Variants in AGPAT3 observed in about 807,000 individuals in gnomAD.
AGPAT3 encodes the protein 1-acyl-sn-glycerol-3-phosphate acyltransferase gamma.
Under a neutral mutation model 47.3 loss-of-function variants are expected in AGPAT3, and 5 were observed. The observed-to-expected ratio is 0.11, with a 90% CI of 0.06 to 0.22. The LOEUF (loss-of-function observed/expected upper bound fraction) is 0.22. Ranked by LOEUF, AGPAT3 falls within the 10% of genes least tolerant of loss-of-function variation. AGPAT3 has a pLI of 1.00. For synonymous variants in AGPAT3, 212 were observed against 208.3 expected (o/e 1.02, Z -0.15); for missense variants, 315 against 493.0 (o/e 0.64, Z 3.42).
intron 7 of AGPAT3, among the ~76,000 whole-genome samples, chr21:43,974,560 G>A (rs570851088): frequency 4.6e-5 from 7 of 151,722 alleles, no homozygotes; most frequent in South Asian, 4.2e-4. Context: ...TGTGTGGTGT[G>A]TGTGTAGTGT....
At chr21:43,926,325 C>T (rs1332889573) in intron 2 of AGPAT3, among the ~76,000 whole-genome samples, 4 of 152,198 alleles carry the variant, frequency 2.6e-5, no homozygotes, top group African/African-American at 7.2e-5. Context: ...TTCGCTCTGC[C>T]GTCCTTGGCT....
chr21:43,973,512 C>T (rs988970489), intron 7 of AGPAT3, among the ~76,000 whole-genome samples: 3 of 152,350 alleles, frequency 2.0e-5, no homozygotes, highest in East Asian at 1.9e-4. Context: ...TGGAGGAGCC[C>T]GGCCACCCGC....
rs1024002879 is a variant in AGPAT3 at position 43,934,439 on chromosome 21, G to T, written c.-48-25195G>T. Among the ~76,000 whole-genome samples, 45 of 152,376 alleles carry T rather than the reference G, an allele frequency of 3.0e-4. No homozygotes were observed. The highest frequency in any genetic ancestry group is 9.6e-4 in the African/African-American group (40 of 41,590). ...GCCTGGCCCTGGCCTGCGTGGCAGC[G>T]CAACCTCGTTGGTAGAGTCAGGAGG... On this transcript the variant is annotated intron_variant, in intron 2 of 9. Transcript: ENST00000291572. This position sits in a 1 kb window ranked among gnomAD's most constrained non-coding sequence, Gnocchi z 4.7.
chr21:43,962,335 C>CT (rs200235343), intron 3 of AGPAT3, among the ~76,000 whole-genome samples: 2,862 of 152,088 alleles, frequency 0.019, 39 homozygotes, highest in Middle Eastern at 0.031. Flanking sequence ...AAGGCTGCTG[C>CT]TTTTTTCTGT....
Position 43,985,194 on chromosome 21 carries a change from C to T in AGPAT3, c.*2802C>T. ...TCATGGGGTCTCCTGCCCATCTTCC[C>T]AAGGATGCCATTGCTGTCTTCATCG... On this transcript the variant is annotated 3_prime_UTR_variant, in exon 10 of 10. Coordinates refer to ENST00000291572, the MANE Select transcript of AGPAT3 (RefSeq NM_020132.5). 1 of 456,298 alleles carries T rather than the reference C, an allele frequency of 2.2e-6. No homozygotes were observed. The highest frequency in any genetic ancestry group is 1.5e-5 in the South Asian group (1 of 64,570). The allele number at this position is 456,298 out of a possible 1,614,324, so 28.3% of individuals were successfully genotyped here. A position where few individuals can be genotyped will look rare whatever the true frequency, so the allele number is the denominator to read the frequency against.
intron 1 of AGPAT3, among the ~76,000 whole-genome samples, chr21:43,883,625 G>A (rs1360051035): frequency 2.0e-5 from 3 of 152,090 alleles, no homozygotes; most frequent in Non-Finnish European, 4.4e-5. Flanking sequence ...ATGGAGTTTC[G>A]CTCTGTTGCC....
intron 2 of AGPAT3, 99 bp from the exon 3 acceptor site, chr21:43,959,535 G>T: frequency 2.8e-6 from 3 of 1,076,916 alleles, no homozygotes; most frequent in Non-Finnish European, 4.1e-6. Flanking sequence ...GTGTATAAGC[G>T]TGAGGCATGT....
At chr21:43,953,290 T>C (rs1000665354) in intron 2 of AGPAT3, among the ~76,000 whole-genome samples, 7 of 152,064 alleles carry the variant, frequency 4.6e-5, no homozygotes, top group African/African-American at 1.7e-4. Flanking sequence ...CTGGGGACAG[T>C]TGGTGAAATG....
At chr21:43,948,665 C>T (rs2088029061) in intron 2 of AGPAT3, among the ~76,000 whole-genome samples, 1 of 152,174 alleles carries the variant, frequency 6.6e-6, no homozygotes, top group East Asian at 1.9e-4. Context: ...TATAATTATG[C>T]CTTTAAATCC....
chr21:43,878,984 G>T (rs931873196), intron 1 of AGPAT3, among the ~76,000 whole-genome samples: 4 of 151,886 alleles, frequency 2.6e-5, no homozygotes, highest in African/African-American at 9.7e-5. Context: ...CAAGCAACCT[G>T]CCCACCTCGG....
rs780129691 is a variant in AGPAT3, at chr21:43,982,788, C to T, written c.*396C>T. 14 of 174,046 alleles carry T rather than the reference C, an allele frequency of 8.0e-5. No individual in the cohort carries two copies. Among genetic ancestry groups the T allele is most frequent in the African/African-American group, 1.4e-4 (6 of 41,616 alleles). 10.8% of individuals were successfully genotyped at this position (174,046 alleles called of 1,614,324 possible). ...CCCTCACCTCTTCTGCACCCCCCGC[C>T]CCCGAAACTGTCTCGTAATGAATTT... On this transcript the variant is annotated 3_prime_UTR_variant, in exon 10 of 10. Transcript: ENST00000291572. The surrounding 1 kb of genome is among the most constrained non-coding windows in gnomAD (Gnocchi z 6.2).
At chr21:43,956,159 G>A (rs2088453459) in intron 2 of AGPAT3, among the ~76,000 whole-genome samples, 1 of 152,158 alleles carries the variant, frequency 6.6e-6, no homozygotes, top group Non-Finnish European at 1.5e-5. Flanking sequence ...CCCCCACCCT[G>A]TACAACTCAG....
At chr21:43,971,270 C>A in intron 6 of AGPAT3, 118 bp from the exon 7 acceptor site, 2 of 802,754 alleles carry the variant, frequency 2.5e-6, no homozygotes, top group South Asian at 1.6e-5. Context: ...CGGGGCCAGA[C>A]CCCTCACGCG....
At chr21:43,898,237 C>T (rs1047569950) in intron 1 of AGPAT3, among the ~76,000 whole-genome samples, 5 of 152,120 alleles carry the variant, frequency 3.3e-5, no homozygotes, top group East Asian at 1.9e-4. Flanking sequence ...CAGATATTTG[C>T]GTTGAAATAT....
At chr21:43,901,988 G>C (rs138574007) in intron 1 of AGPAT3, among the ~76,000 whole-genome samples, 48 of 152,154 alleles carry the variant, frequency 3.2e-4, no homozygotes, top group Non-Finnish European at 6.3e-4. Context: ...GAAAAGAGGC[G>C]TGTGTGGTAG....
At chr21:43,949,654 G>T (rs8134198) in intron 2 of AGPAT3, among the ~76,000 whole-genome samples, 39,484 of 152,242 alleles carry the variant, frequency 0.26, 6,142 homozygotes, top group South Asian at 0.37. Flanking sequence ...GTTCAGGGAA[G>T]GGGTGGTTGC....
At chr21:43,882,868 G>T (rs1250796553) in intron 1 of AGPAT3, among the ~76,000 whole-genome samples, 1 of 152,192 alleles carries the variant, frequency 6.6e-6, no homozygotes, top group African/African-American at 2.4e-5. Context: ...ATCCTCAGGG[G>T]CCTGGGGCAA....
intron 2 of AGPAT3, among the ~76,000 whole-genome samples, chr21:43,936,609 C>T (rs1345772562): frequency 6.6e-6 from 1 of 152,262 alleles, no homozygotes; most frequent in Non-Finnish European, 1.5e-5. Flanking sequence ...AGCTCTGCCC[C>T]TATAATACTT....
At chr21:43,935,090 AG>A (rs903371488) in intron 2 of AGPAT3, among the ~76,000 whole-genome samples, 1 of 152,122 alleles carries the variant, frequency 6.6e-6, no homozygotes, top group African/African-American at 2.4e-5. Flanking sequence ...GAGGCTGGAC[AG>A]GGGGGGCTTC....
Sources: allele counts gnomAD v4.1 joint callset (sites outside exome capture counted in the v4.1 genomes callset), GRCh38; gene constraint gnomAD v4.1.1; non-coding constraint Gnocchi (gnomAD v3.1); transcripts MANE v1.5; gene names NCBI Gene and HGNC (gene_info 2026-07-23, HGNC 2026-07-21).